Variants in NSUN4 observed in about 807,000 individuals in gnomAD.
The protein encoded by NSUN4 is NOP2/Sun RNA methyltransferase 4.
A neutral mutation model predicts 43.8 loss-of-function variants in NSUN4; 31 were observed. The observed-to-expected ratio is 0.71, with a 90% confidence interval of 0.53 to 0.96. The LOEUF is 0.96. Ranked by LOEUF, NSUN4 falls within the 40% of genes least tolerant of loss-of-function variation. The pLI is 0.00. For missense variants in NSUN4, 439 were observed against 475.6 expected (o/e 0.92, Z 0.72); for synonymous variants, 167 against 184.1 (o/e 0.91, Z 0.75).
At chr1:46,341,649 C>G in intron 1 of NSUN4, 1 of 1,224,736 alleles carries the variant, frequency 8.2e-7, no homozygotes, top group South Asian at 4.3e-5. Context: ...ATCTCTTCCA[C>G]CCCCACAACC....
chr1:46,359,632 C>T (rs1663666933), intron 4 of NSUN4, among the ~76,000 whole-genome samples: 2 of 149,284 alleles, frequency 1.3e-5, no homozygotes, highest in Non-Finnish European at 3.0e-5. Flanking sequence ...CTCACTGCAA[C>T]CTCTGCCTCC....
rs759816242 is a variant in NSUN4, at chr1:46,361,736, A to C, written c.1045A>C (p.Met349Leu). Reference protein sequence around the residue: ...EDLTHFRRVFMDTFCFFSSCQ... With the variant: ...EDLTHFRRVFLDTFCFFSSCQ... ...TCTGACTCACTTCCGAAGGGTTTTC[A>C]TGGACACATTTTGTTTCTTCTCATC... is the stretch of plus-strand genomic sequence containing the variant. The change falls in exon 6 of 6, where the codon ATG (methionine) becomes CTG (leucine). Residue 349 changes from methionine (M) to leucine (L), a missense_variant. By Grantham distance (15) the Met-to-Leu change is conservative. Coordinates refer to ENST00000474844, the MANE Select transcript of NSUN4 (RefSeq NM_199044.4). The C allele has an allele frequency of 3.8e-5, 61 of 1,614,078 alleles. No homozygotes were observed. Among genetic ancestry groups the C allele is most frequent in the Non-Finnish European group, 5.0e-5 (59 of 1,180,038 alleles).
In NSUN4 at chr1:46,351,773, C is replaced by G. The variant is rs1453748901; in HGVS notation, c.593-1095C>G. Reference sequence around the variant, plus strand: ...TCTGCCTCCCGGGTTCACGCCTTTCCCCTGCCTCAGCCTCCCGAGTAGCTG... The same window carrying G: ...TCTGCCTCCCGGGTTCACGCCTTTCGCCTGCCTCAGCCTCCCGAGTAGCTG... On this transcript the variant is annotated intron_variant, in intron 3 of 5. Coordinates refer to ENST00000474844, the MANE Select transcript of NSUN4 (RefSeq NM_199044.4). Among the ~76,000 whole-genome samples, 5 of 149,926 alleles carry G rather than the reference C, an allele frequency of 3.3e-5. No individual in the cohort carries two copies. The East Asian group carries it at 1.0e-3, about 30-fold the overall frequency.
At chr1:46,381,256 G>A in the NSUN4 span, among the ~76,000 whole-genome samples, 1 of 152,058 alleles carries the variant, frequency 6.6e-6, no homozygotes, top group African/African-American at 2.4e-5. Context: ...CCAGATTTTT[G>A]GTCTACTATT....
chr1:46,341,504 C>T, intron 1 of NSUN4: 2 of 1,049,646 alleles, frequency 1.9e-6, no homozygotes, highest in Non-Finnish European at 1.1e-6. Flanking sequence ...AAAGGTGCAA[C>T]GAATCCTCTC....
At chr1:46,383,297 G>A in the NSUN4 span, among the ~76,000 whole-genome samples, 177 of 150,638 alleles carry the variant, frequency 1.2e-3, 2 homozygotes, top group African/African-American at 3.7e-3. Context: ...CTGGGCTGGC[G>A]CACCGGAAGC....
the NSUN4 span, among the ~76,000 whole-genome samples, chr1:46,372,725 TTTG>T: frequency 4.6e-5 from 7 of 152,026 alleles, no homozygotes; most frequent in Admixed American, 1.3e-4. Context: ...TTTGTTTTGT[TTTG>T]TTGTTGTTGT....
chr1:46,373,007 C>G, the NSUN4 span, among the ~76,000 whole-genome samples: 2 of 152,234 alleles, frequency 1.3e-5, no homozygotes, highest in African/African-American at 4.8e-5. Flanking sequence ...AGGTGTGAGC[C>G]ACTGCATTCA....
At chr1:46,341,950 C>T (rs1662142058) in intron 1 of NSUN4, 3 of 1,233,068 alleles carry the variant, frequency 2.4e-6, no homozygotes, top group Non-Finnish European at 3.0e-6. Context: ...ACCTCCTTTC[C>T]CCTTGCTCAT....
In NSUN4 at chr1:46,345,163, A is replaced by T. The variant is rs762580556; in HGVS notation, c.437+19A>T. On this transcript the variant is annotated intron_variant, in intron 2 of 5. Transcript: ENST00000474844. ...CTGCCAGGTAGGATCTGGAGCCATG[A>T]CTGGAGCGGTCCTGAGTGTCTGCTG... The T allele has an allele frequency of 1.9e-6, 3 of 1,569,864 alleles. No individual in the cohort carries two copies.
chr1:46,375,215 C>T, the NSUN4 span, among the ~76,000 whole-genome samples: 1 of 151,578 alleles, frequency 6.6e-6, no homozygotes. Context: ...GTGGGTGGAT[C>T]ACCTGAGGTT....
downstream of NSUN4, among the ~76,000 whole-genome samples, chr1:46,365,811 A>G (rs1214409976): frequency 1.3e-5 from 2 of 152,096 alleles, no homozygotes; most frequent in African/African-American, 4.8e-5. Context: ...TAGTACTAAC[A>G]CTTAGGATTA....
chr1:46,365,593 C>T (rs182426434), downstream of NSUN4, among the ~76,000 whole-genome samples: 2 of 152,222 alleles, frequency 1.3e-5, no homozygotes, highest in Non-Finnish European at 2.9e-5. Flanking sequence ...CCACCTACCT[C>T]GGCCTCCCAA....
At chr1:46,377,027 G>A in the NSUN4 span, among the ~76,000 whole-genome samples, 6 of 150,650 alleles carry the variant, frequency 4.0e-5, no homozygotes, top group East Asian at 5.9e-4. Flanking sequence ...CAAAGTGTTC[G>A]GGTTACAGGT....
intron 3 of NSUN4, among the ~76,000 whole-genome samples, chr1:46,351,092 G>A (rs895853189): frequency 6.6e-6 from 1 of 152,238 alleles, no homozygotes; most frequent in Non-Finnish European, 1.5e-5. Context: ...TTAGCCGGGT[G>A]TGGTGGCTCA....
At chr1:46,352,300 A>T (rs1160752770) in intron 3 of NSUN4, among the ~76,000 whole-genome samples, 1 of 152,084 alleles carries the variant, frequency 6.6e-6, no homozygotes, top group East Asian at 1.9e-4. Flanking sequence ...AAAAATGCAA[A>T]AATTAGCCGG....
chr1:46,350,520 T>G (rs1337359576), intron 3 of NSUN4, among the ~76,000 whole-genome samples: 1 of 152,240 alleles, frequency 6.6e-6, no homozygotes, highest in African/African-American at 2.4e-5. Context: ...GTATCAAGTG[T>G]CATTTATCAT....
At chr1:46,360,613 A>G (rs986896483) in intron 4 of NSUN4, 91 bp from the exon 5 acceptor site, 53 of 1,398,276 alleles carry the variant, frequency 3.8e-5, no homozygotes, top group Non-Finnish European at 5.0e-5. Flanking sequence ...AATATTTCAC[A>G]AACTTAGGCC....
intron 2 of NSUN4, among the ~76,000 whole-genome samples, chr1:46,346,551 C>CAAAA (rs10653801): frequency 8.5e-5 from 7 of 82,576 alleles, no homozygotes; most frequent in Admixed American, 1.4e-4. Context: ...GACTGTGTCT[C>CAAAA]AAAAAAAAAA....
Sources: gnomAD v4.1 joint callset for allele counts (sites outside exome capture counted in the v4.1 genomes callset) on GRCh38, gnomAD v4.1.1 for gene constraint, MANE v1.5 for transcripts, NCBI Gene and HGNC (gene_info 2026-07-23, HGNC 2026-07-21) for gene names.